Variants in CATSPERB observed in about 807,000 individuals in gnomAD.
CATSPERB encodes cation channel sperm-associated auxiliary subunit beta.
In CATSPERB, 93 loss-of-function variants were observed where a neutral mutation model predicts 128.3. That is an observed-to-expected ratio of 0.72 (90% confidence interval 0.61 to 0.86). The LOEUF (loss-of-function observed/expected upper bound fraction) is 0.86, where lower values mean the gene tolerates loss of function less well. CATSPERB is among the 40% of genes least tolerant of loss of function. The probability of loss-of-function intolerance (pLI) is 0.00; values close to 1 mark genes in which losing one functional copy is unlikely to be tolerated. For missense variants in CATSPERB, 1,153 were observed against 1,329.5 expected (o/e 0.87, Z 2.06); for synonymous variants, 381 against 448.8 (o/e 0.85, Z 1.91).
intron 22 of CATSPERB, among the ~76,000 whole-genome samples, chr14:91,607,011 G>T (rs1435982013): frequency 7.1e-6 from 1 of 140,360 alleles, no homozygotes; most frequent in African/African-American, 2.6e-5. Context: ...TCATTGCCTG[G>T]AGCAGAGCTT....
At chr14:91,695,525 C>A (rs12433107) in intron 7 of CATSPERB, among the ~76,000 whole-genome samples, 2,280 of 152,282 alleles carry the variant, frequency 0.015, 59 homozygotes, top group African/African-American at 0.051. Flanking sequence ...ATGGAGACAT[C>A]ATAAAATAAA....
In CATSPERB at chr14:91,708,190, A is replaced by C; in HGVS notation, c.417T>G (p.His139Gln). 6.2e-7 allele frequency: 1 copy of C among 1,612,196 alleles called. No individual in the cohort carries two copies. Among genetic ancestry groups the C allele is most frequent in the Non-Finnish European group, 8.5e-7 (1 of 1,178,938 alleles). ...EEWLVRITLH[H>Q]GLNIYATEGT... ...CTTCAGTAGCATAAATATTTAGTCC[A>C]TGATGTAAAGTGATTCTTACTAACC... is the stretch of plus-strand genomic sequence containing the variant. The change falls in exon 6 of 27, where the codon CAT becomes CAG. Residue 139 changes from histidine (H) to glutamine (Q), a missense_variant. Transcript: ENST00000256343.
chr14:91,626,631 G>T (rs142566745), intron 17 of CATSPERB, among the ~76,000 whole-genome samples: 1 of 151,942 alleles, frequency 6.6e-6, no homozygotes. Context: ...CTTCATATGC[G>T]TGCTCACATG....
At chr14:91,605,918 G>A (rs1322316511) in intron 22 of CATSPERB, among the ~76,000 whole-genome samples, 1 of 152,206 alleles carries the variant, frequency 6.6e-6, no homozygotes, top group Admixed American at 6.5e-5. Flanking sequence ...GCTCACGCCT[G>A]TAATCCCAGC....
At chr14:91,615,854 T>C (rs1421488912) in intron 20 of CATSPERB, among the ~76,000 whole-genome samples, 1 of 151,790 alleles carries the variant, frequency 6.6e-6, no homozygotes, top group Non-Finnish European at 1.5e-5. Flanking sequence ...ATTCTACTTT[T>C]AGTTTTTTGA....
intron 15 of CATSPERB, among the ~76,000 whole-genome samples, chr14:91,640,970 A>G (rs1035149176): frequency 4.0e-5 from 6 of 150,494 alleles, no homozygotes; most frequent in African/African-American, 1.5e-4. Context: ...TTTGATTTGC[A>G]TTTCTCTGAT....
intron 22 of CATSPERB, among the ~76,000 whole-genome samples, chr14:91,601,609 A>G (rs1030617196): frequency 1.3e-5 from 2 of 152,186 alleles, no homozygotes; most frequent in African/African-American, 4.8e-5. Context: ...AATAGAATCT[A>G]GGGATCTGAT....
intron 14 of CATSPERB, among the ~76,000 whole-genome samples, chr14:91,669,229 T>A (rs1286418571): frequency 6.6e-6 from 1 of 152,216 alleles, no homozygotes; most frequent in Non-Finnish European, 1.5e-5. Flanking sequence ...GTTCCTTCTT[T>A]GGAAGTCATT....
At chr14:91,685,806 G>A (rs2139841121) in intron 10 of CATSPERB, among the ~76,000 whole-genome samples, 1 of 152,344 alleles carries the variant, frequency 6.6e-6, no homozygotes, top group Non-Finnish European at 1.5e-5. Flanking sequence ...GGTTTAGCAT[G>A]GCCAGGCAGG....
At chr14:91,620,593 T>C (rs2139786632) in intron 19 of CATSPERB, among the ~76,000 whole-genome samples, 1 of 152,324 alleles carries the variant, frequency 6.6e-6, no homozygotes, top group East Asian at 1.9e-4. Flanking sequence ...TCTTTAACAA[T>C]TTTTGTATTA....
Position 91,580,852 on chromosome 14 carries a change from A to AT in CATSPERB, c.*36_*37insA. 1 of 1,531,090 alleles carries AT rather than the reference A, an allele frequency of 6.5e-7. No homozygotes were observed. The highest frequency in any genetic ancestry group is 9.0e-7 in the Non-Finnish European group (1 of 1,110,654). The allele number at this position is 1,531,090 out of a possible 1,614,324, so 94.8% of individuals were successfully genotyped here. ...TATTGTTCTAGGAATTGGCTGATAAAACTAGAAAATAAAGAGAAATTATGA... is the reference window on the plus strand; with the variant it reads ...TATTGTTCTAGGAATTGGCTGATAAATACTAGAAAATAAAGAGAAATTATGA... On this transcript the variant is annotated 3_prime_UTR_variant, in exon 27 of 27. Coordinates refer to ENST00000256343, the MANE Select transcript of CATSPERB (RefSeq NM_024764.4).
chr14:91,697,104 C>T (rs940916927), intron 7 of CATSPERB, among the ~76,000 whole-genome samples: 2 of 152,044 alleles, frequency 1.3e-5, no homozygotes, highest in African/African-American at 4.8e-5. Context: ...GTACTGAGTG[C>T]CCACTTAAGA....
intron 22 of CATSPERB, chr14:91,605,089 G>A: frequency 8.0e-7 from 1 of 1,242,726 alleles, no homozygotes; most frequent in Non-Finnish European, 1.2e-6. Context: ...CTGCAGAAGT[G>A]GGTTGTTTGC....
At chr14:91,708,030 T>C (rs1895764844) in intron 6 of CATSPERB, 111 bp downstream of exon 6, 1 of 704,886 alleles carries the variant, frequency 1.4e-6, no homozygotes, top group African/African-American at 1.8e-5. Flanking sequence ...CCTATTTATT[T>C]ATTTATTTTT....
chr14:91,605,008 G>A, intron 22 of CATSPERB: 2 of 1,155,958 alleles, frequency 1.7e-6, no homozygotes, highest in Non-Finnish European at 2.6e-6. Flanking sequence ...ACAGCTGTGT[G>A]GAAGAGAACA....
At chr14:91,623,441 A>T (rs2756168) in intron 18 of CATSPERB, among the ~76,000 whole-genome samples, 112,755 of 151,974 alleles carry the variant, frequency 0.74, 42,399 homozygotes, top group East Asian at 0.97. Flanking sequence ...CTTCTATAAC[A>T]CCACTCATTT....
intron 15 of CATSPERB, among the ~76,000 whole-genome samples, chr14:91,644,278 A>G (rs1198630768): frequency 5.9e-5 from 7 of 119,142 alleles, no homozygotes; most frequent in Non-Finnish European, 9.0e-5. Flanking sequence ...GATTTTGCTC[A>G]TTAGTTGATG....
intron 16 of CATSPERB, among the ~76,000 whole-genome samples, chr14:91,638,011 T>C (rs1894410719): frequency 6.6e-6 from 1 of 152,120 alleles, no homozygotes; most frequent in Non-Finnish European, 1.5e-5. Flanking sequence ...CCCAAGGAAG[T>C]TCCTGCCCTC....
chr14:91,702,175 T>C (rs1478817092), intron 7 of CATSPERB, among the ~76,000 whole-genome samples: 3 of 151,840 alleles, frequency 2.0e-5, no homozygotes, highest in Non-Finnish European at 4.4e-5. Context: ...CGCTCTCCTA[T>C]GGCTCACAGA....
Sources: allele counts gnomAD v4.1 joint callset (sites outside exome capture counted in the v4.1 genomes callset), GRCh38; gene constraint gnomAD v4.1.1; transcripts MANE v1.5; gene names NCBI Gene and HGNC (gene_info 2026-07-23, HGNC 2026-07-21).